Variants in RNF212B observed in about 807,000 individuals in gnomAD.
RNF212B encodes ring finger protein 212B, also known as E3 ubiquitin-protein ligase RNF212B.
In RNF212B, 52 loss-of-function variants were observed where a neutral mutation model predicts 55.5. That is an observed-to-expected ratio of 0.94 (90% CI 0.75 to 1.18). The LOEUF (loss-of-function observed/expected upper bound fraction) is 1.18, where lower values mean the gene tolerates loss of function less well. Among genes scored for constraint, RNF212B ranks in the 50% most tolerant of loss-of-function variants. The pLI, the probability that RNF212B is intolerant of heterozygous loss-of-function variation, is 0.00. For synonymous variants in RNF212B, 99 were observed against 121.4 expected, an observed-to-expected ratio of 0.82 and a Z score of 1.21; for missense variants, 289 against 350.4, an observed-to-expected ratio of 0.82 and a Z score of 1.40.
chr14:23,213,905 C>A lies in RNF212B; in HGVS notation c.-2+20504C>A, dbSNP rs186765056. Among the ~76,000 whole-genome samples the A allele has an allele frequency of 8.5e-5, 13 of 152,270 alleles. 1 individual carries two copies. Among genetic ancestry groups the A allele is most frequent in the Admixed American group, 6.5e-4 (10 of 15,300 alleles). On this transcript the variant is annotated intron_variant, in intron 2 of 15. Transcript: ENST00000399910. The stretch of plus-strand genomic sequence containing the variant: ...GGAAAAAACCCCAACAGTCAACAGG[C>A]ACTAACATTTCAGTGTTACATAGAT...
At chr14:23,194,262 A>G (rs778150413) in intron 2 of RNF212B, among the ~76,000 whole-genome samples, 4 of 152,236 alleles carry the variant, frequency 2.6e-5, no homozygotes, top group African/African-American at 4.8e-5. Context: ...AAAAGCATCA[A>G]TATATATAAA....
chr14:23,232,025 T>C (rs1882665038), intron 2 of RNF212B, among the ~76,000 whole-genome samples: 1 of 152,202 alleles, frequency 6.6e-6, no homozygotes, highest in African/African-American at 2.4e-5. Context: ...TGCCTTGGCC[T>C]CCCAAAGTGC....
chr14:23,247,867 C>G (rs541739898), intron 4 of RNF212B, among the ~76,000 whole-genome samples: 1 of 152,292 alleles, frequency 6.6e-6, no homozygotes, highest in East Asian at 1.9e-4. Context: ...TCCCAAGTGG[C>G]TGTACCATTT....
intron 7 of RNF212B, 53 bp from the exon 8 acceptor site, chr14:23,262,612 A>T: frequency 6.8e-7 from 1 of 1,478,744 alleles, no homozygotes; most frequent in Non-Finnish European, 9.2e-7. Context: ...CTAAAGTGGC[A>T]CTTGACCTCT....
At chr14:23,224,993 A>T (rs1282974503) in intron 2 of RNF212B, among the ~76,000 whole-genome samples, 2 of 152,202 alleles carry the variant, frequency 1.3e-5, no homozygotes, top group Non-Finnish European at 2.9e-5. Context: ...GCAAACAGGC[A>T]TATGAAAAGG....
Position 23,224,992 on chromosome 14 carries a change from C to A in RNF212B, c.-1-15353C>A, listed in dbSNP as rs1881879242. Among the ~76,000 whole-genome samples the A allele has an allele frequency of 2.6e-5, 4 of 151,662 alleles. 1 individual carries two copies. The South Asian group carries it at 8.3e-4, about 32-fold the overall frequency. ...AGAAGACATACAAATGGCAAACAGG[C>A]ATATGAAAAGGTGCTCAACATCATT... is the stretch of plus-strand genomic sequence containing the variant. On this transcript the variant is annotated intron_variant, in intron 2 of 15. Coordinates refer to the RNF212B transcript ENST00000399910.
At chr14:23,231,110 AT>A (rs1362009243) in intron 2 of RNF212B, among the ~76,000 whole-genome samples, 2 of 152,224 alleles carry the variant, frequency 1.3e-5, no homozygotes, top group African/African-American at 4.8e-5. Flanking sequence ...GTTTTTTGAA[AT>A]TTTATATTAA....
intron 2 of RNF212B, among the ~76,000 whole-genome samples, chr14:23,223,167 A>G (rs1594896143): frequency 3.9e-5 from 6 of 152,208 alleles, no homozygotes; most frequent in East Asian, 1.9e-4. Flanking sequence ...CATCATATCA[A>G]TAGAACGAAG....
intron 4 of RNF212B, among the ~76,000 whole-genome samples, chr14:23,254,851 C>T (rs1884703764): frequency 1.3e-5 from 2 of 152,160 alleles, no homozygotes; most frequent in African/African-American, 4.8e-5. Flanking sequence ...TCTTTCCAAC[C>T]TTTTGTTGGA....
chr14:23,251,831 A>G (rs928261272), intron 4 of RNF212B, among the ~76,000 whole-genome samples: 8 of 151,836 alleles, frequency 5.3e-5, no homozygotes, highest in African/African-American at 1.9e-4. Context: ...AAAAAGAAAG[A>G]AAGAAAACCA....
chr14:23,272,022 T>G (rs1163361269), intron 14 of RNF212B, among the ~76,000 whole-genome samples: 1 of 152,130 alleles, frequency 6.6e-6, no homozygotes, highest in East Asian at 1.9e-4. Flanking sequence ...TGTAATTTAG[T>G]AGGGAGGGAC....
intron 2 of RNF212B, among the ~76,000 whole-genome samples, chr14:23,222,049 A>G (rs1881620447): frequency 6.6e-6 from 1 of 152,190 alleles, no homozygotes; most frequent in Admixed American, 6.5e-5. Context: ...AAGAACTTCA[A>G]ACAAATAACC....
chr14:23,266,384 T>C (rs1716304774), intron 11 of RNF212B, among the ~76,000 whole-genome samples: 1 of 151,148 alleles, frequency 6.6e-6, no homozygotes, highest in Non-Finnish European at 1.5e-5. Context: ...TGACTTTCAG[T>C]GATTTAAATC....
intron 2 of RNF212B, among the ~76,000 whole-genome samples, chr14:23,213,213 T>C (rs990706642): frequency 1.3e-5 from 2 of 151,588 alleles, no homozygotes; most frequent in East Asian, 3.9e-4. Context: ...CTCGGGAGGC[T>C]GAGGCAGGAG....
chr14:23,269,286 G>C (rs1885909716), intron 12 of RNF212B, among the ~76,000 whole-genome samples: 1 of 151,728 alleles, frequency 6.6e-6, no homozygotes, highest in Non-Finnish European at 1.5e-5. Context: ...CTGGGTGACA[G>C]AGTGAGACTC....
rs1344825180 is a variant in RNF212B, at chr14:23,273,163, G to A, written c.*272G>A. Reference sequence around the variant, plus strand: ...CTCATTTCCTACAATTTGGAACAAAGGTCAAAAAAATAATTCTTGGCATCA... The same window carrying A: ...CTCATTTCCTACAATTTGGAACAAAAGTCAAAAAAATAATTCTTGGCATCA... On this transcript the variant is annotated 3_prime_UTR_variant, in exon 15 of 15. Coordinates refer to ENST00000430154, the MANE Select transcript of RNF212B (RefSeq NM_001282322.3). 7.2e-6 allele frequency: 2 copies of A among 276,692 alleles called. No homozygotes were observed. Among genetic ancestry groups the A allele is most frequent in the Non-Finnish European group, 1.4e-5 (2 of 147,078 alleles). 17.1% of individuals were successfully genotyped at this position (276,692 alleles called of 1,614,324 possible).
chr14:23,268,839 A>G (rs1196176940), intron 11 of RNF212B, 85 bp from the exon 12 acceptor site: 1 of 1,156,652 alleles, frequency 8.6e-7, no homozygotes, highest in Non-Finnish European at 1.3e-6. Context: ...TTTTATCTCC[A>G]TTTCCTTTGC....
intron 5 of RNF212B, 36 bp downstream of exon 5, chr14:23,258,700 T>C (rs1478681895): frequency 1.1e-6 from 1 of 924,512 alleles, no homozygotes; most frequent in Non-Finnish European, 1.6e-6. Context: ...GAGCTTTTTT[T>C]TTTTTTTTTT....
chr14:23,201,337 G>A (rs1246325736), intron 2 of RNF212B, among the ~76,000 whole-genome samples: 1 of 152,098 alleles, frequency 6.6e-6, no homozygotes, highest in Non-Finnish European at 1.5e-5. Context: ...AAAGTTTTAG[G>A]GCAGCCATAG....
Sources: gnomAD v4.1 joint callset for allele counts (sites outside exome capture counted in the v4.1 genomes callset) on GRCh38, gnomAD v4.1.1 for gene constraint, MANE v1.5 for transcripts, NCBI Gene and HGNC (gene_info 2026-07-23, HGNC 2026-07-21) for gene names.